KIF26B: variants seen among roughly 807,000 people sequenced by gnomAD.
KIF26B encodes the protein kinesin-like protein KIF26B.
Under a neutral mutation model 151.2 loss-of-function variants are expected in KIF26B, and 63 were observed. The ratio of observed to expected loss-of-function variants is 0.42; its 90% CI spans 0.34 to 0.51. The LOEUF (loss-of-function observed/expected upper bound fraction) is 0.51, where lower values mean the gene tolerates loss of function less well. Among genes scored for constraint, KIF26B ranks in the 20% least tolerant of loss-of-function variants. KIF26B has a pLI of 0.07. For synonymous variants in KIF26B, 1,357 were observed against 1,262.1 expected, an observed-to-expected ratio of 1.08 and a Z score of -1.59; for missense variants, 2,813 against 2,913.6, an observed-to-expected ratio of 0.97 and a Z score of 0.79.
At position 245,345,935 on chromosome 1, in the gene KIF26B, CT is replaced by C. The variant is rs773751148; in HGVS notation, c.466-20884del. Reference sequence around the variant, plus strand: ...GGTATTTCTTTTTCTTTCTTTCTTTCTTTTTTTTTTTTTTTGAGACAGAGTT... The same window carrying C: ...GGTATTTCTTTTTCTTTCTTTCTTTCTTTTTTTTTTTTTTGAGACAGAGTT... On this transcript the variant is annotated intron_variant, in intron 2 of 14. Coordinates refer to ENST00000407071, the MANE Select transcript of KIF26B (RefSeq NM_018012.4). 3.0e-3 allele frequency among the ~76,000 whole-genome samples: 371 copies of C among 123,528 alleles called. 1 individual carries two copies. Among genetic ancestry groups the C allele is most frequent in the Non-Finnish European group, 2.9e-3 (187 of 63,636 alleles). The allele number at this position is 123,528 out of a possible 152,430, so 81.0% of individuals were successfully genotyped here.
intron 4 of KIF26B, among the ~76,000 whole-genome samples, chr1:245,499,140 C>T (rs1365814313): frequency 3.3e-5 from 5 of 152,012 alleles, no homozygotes; most frequent in African/African-American, 4.8e-5. Context: ...ATGTTACCTT[C>T]GCCCAAAGAG....
rs2043072884 is a variant in KIF26B, at chr1:245,572,250, C to G, written c.1351-30327C>G. Among the ~76,000 whole-genome samples, 1 of 152,114 alleles carries G rather than the reference C, an allele frequency of 6.6e-6. No individual in the cohort carries two copies. Among genetic ancestry groups the G allele is most frequent in the Admixed American group, 6.5e-5 (1 of 15,272 alleles). Reference sequence around the variant, plus strand: ...TTTGGCCTGGAATGTTTCAGAGCACCCTTTCATGCCTGGTCAGGGTTGTGA... The same window carrying G: ...TTTGGCCTGGAATGTTTCAGAGCACGCTTTCATGCCTGGTCAGGGTTGTGA... On this transcript the variant is annotated intron_variant, in intron 5 of 14. Transcript: ENST00000407071. The surrounding 1 kb of genome is among the most constrained non-coding windows in gnomAD (Gnocchi z 4.2).
chr1:245,640,031 A>G (rs1191799321), intron 9 of KIF26B, among the ~76,000 whole-genome samples: 1 of 149,856 alleles, frequency 6.7e-6, no homozygotes, highest in African/African-American at 2.4e-5. Context: ...TTCTGCCTGA[A>G]TGATCCACCT....
intron 2 of KIF26B, chr1:245,216,069 A>C (rs1420337096): frequency 6.6e-6 from 1 of 152,078 alleles, no homozygotes; most frequent in African/African-American, 2.4e-5. Context: ...CTCTAAAAAA[A>C]AAATTAATTA....
At chr1:245,160,266 C>T (rs1053291890) in intron 2 of KIF26B, among the ~76,000 whole-genome samples, 2 of 152,160 alleles carry the variant, frequency 1.3e-5, no homozygotes, top group Non-Finnish European at 2.9e-5. Flanking sequence ...TATCGTTTCT[C>T]TTTTGGTGCC....
chr1:245,386,290 G>A (rs1163258018), intron 3 of KIF26B, among the ~76,000 whole-genome samples: 6 of 150,892 alleles, frequency 4.0e-5, no homozygotes, highest in Non-Finnish European at 8.8e-5. Flanking sequence ...ATTGAAATGT[G>A]CAGCACTCAA....
At chr1:245,524,060 T>C (rs1046450042) in intron 4 of KIF26B, among the ~76,000 whole-genome samples, 1 of 152,208 alleles carries the variant, frequency 6.6e-6, no homozygotes, top group African/African-American at 2.4e-5. Context: ...TTAAAATATA[T>C]ATTGGGAACC....
intron 10 of KIF26B, among the ~76,000 whole-genome samples, chr1:245,673,360 CTTA>C: frequency 8.5e-6 from 1 of 117,386 alleles, no homozygotes. Context: ...GCGCTGCCAT[CTTA>C]GGCCCAGTCC....
chr1:245,311,419 T>C (rs565685459), intron 2 of KIF26B, among the ~76,000 whole-genome samples: 1 of 152,106 alleles, frequency 6.6e-6, no homozygotes, highest in South Asian at 2.1e-4. Flanking sequence ...GAAGTTAGAC[T>C]CGCCTGCTCT....
chr1:245,190,633 TGTTTTG>T (rs1558339420), intron 2 of KIF26B, among the ~76,000 whole-genome samples: 11 of 97,952 alleles, frequency 1.1e-4, no homozygotes, highest in African/African-American at 2.0e-4. Context: ...CTGAATGTTT[TGTTTTG>T]TTTTTTTTTT....
At chr1:245,470,089 G>C (rs1000865662) in intron 4 of KIF26B, among the ~76,000 whole-genome samples, 5 of 152,052 alleles carry the variant, frequency 3.3e-5, no homozygotes, top group Non-Finnish European at 7.3e-5. Context: ...AGGGTGTTCC[G>C]AGCCACACAC....
intron 2 of KIF26B, among the ~76,000 whole-genome samples, chr1:245,186,619 T>C (rs1043068406): frequency 6.6e-6 from 1 of 152,204 alleles, no homozygotes; most frequent in African/African-American, 2.4e-5. Flanking sequence ...TCTAACTTCC[T>C]TTCTTGTTAC....
intron 4 of KIF26B, among the ~76,000 whole-genome samples, chr1:245,465,130 C>T (rs1272980221): frequency 1.4e-5 from 1 of 70,366 alleles, no homozygotes; most frequent in Non-Finnish European, 2.9e-5. Flanking sequence ...AGGCGCCCGC[C>T]ACCACACCCG....
intron 4 of KIF26B, among the ~76,000 whole-genome samples, chr1:245,497,068 G>A (rs1422118909): frequency 6.6e-6 from 1 of 151,156 alleles, no homozygotes; most frequent in African/African-American, 2.4e-5. Flanking sequence ...CAGGAGAATT[G>A]CTTGAACCCT....
chr1:245,621,340 A>G (rs1296139984), intron 9 of KIF26B, among the ~76,000 whole-genome samples: 1 of 152,120 alleles, frequency 6.6e-6, no homozygotes, highest in Non-Finnish European at 1.5e-5. Flanking sequence ...CAGTTTCCTT[A>G]TATGTAAAAT....
chr1:245,188,907 A>G (rs769961811), intron 2 of KIF26B, among the ~76,000 whole-genome samples: 1 of 152,238 alleles, frequency 6.6e-6, no homozygotes, highest in Non-Finnish European at 1.5e-5. Context: ...AGGCTACAAC[A>G]TGGATGAACC....
intron 4 of KIF26B, among the ~76,000 whole-genome samples, chr1:245,463,855 GT>G (rs1364231150): frequency 6.6e-6 from 1 of 152,200 alleles, no homozygotes; most frequent in East Asian, 1.9e-4. Flanking sequence ...TCAGAGACAA[GT>G]CCCTTTCAGC....
chr1:245,229,578 T>C (rs112822827), intron 2 of KIF26B, among the ~76,000 whole-genome samples: 5,457 of 152,316 alleles, frequency 0.036, 201 homozygotes, highest in African/African-American at 0.1. Context: ...TTGGCCATCC[T>C]GTTGTTCATT....
In KIF26B at chr1:245,156,699, G is replaced by A; in HGVS notation, c.465+16G>A. Reference sequence around the variant, plus strand: ...CCCGGGCAAGGTGAGCGCCGCGCGGGGCTGGCTGGGGAGGCGCCGGGAGGG... The same window carrying A: ...CCCGGGCAAGGTGAGCGCCGCGCGGAGCTGGCTGGGGAGGCGCCGGGAGGG... On this transcript the variant is annotated intron_variant, in intron 2 of 14. Coordinates refer to ENST00000407071, the MANE Select transcript of KIF26B (RefSeq NM_018012.4). The A allele has an allele frequency of 7.0e-7, 1 of 1,436,330 alleles. No individual in the cohort carries two copies. The highest frequency in any genetic ancestry group is 9.1e-7 in the Non-Finnish European group (1 of 1,102,270). The allele number at this position is 1,436,330 out of a possible 1,614,324, so 89.0% of individuals were successfully genotyped here.
Sources: gnomAD v4.1 joint callset for allele counts (sites outside exome capture counted in the v4.1 genomes callset) on GRCh38, gnomAD v4.1.1 for gene constraint, Gnocchi (gnomAD v3.1) non-coding constraint, MANE v1.5 for transcripts, NCBI Gene and HGNC (gene_info 2026-07-23, HGNC 2026-07-21) for gene names.